FABP6: variants seen among roughly 807,000 people sequenced by gnomAD.
The protein encoded by FABP6 is fatty acid binding protein 6, also known as gastrotropin.
In FABP6, 13 loss-of-function variants were observed where a neutral mutation model predicts 14.9. That is an observed-to-expected ratio of 0.87 (90% CI 0.57 to 1.39). The LOEUF (loss-of-function observed/expected upper bound fraction) is 1.39. Among genes scored for constraint, FABP6 ranks in the 40% most tolerant of loss-of-function variants. The pLI is 0.00. For missense variants in FABP6, 161 were observed against 167.2 expected, an observed-to-expected ratio of 0.96 and a Z score of 0.20; for synonymous variants, 75 against 63.6, an observed-to-expected ratio of 1.18 and a Z score of -0.85.
At chr5:160,224,054 G>A (rs1401363810) in intron 3 of FABP6, among the ~76,000 whole-genome samples, 2 of 151,930 alleles carry the variant, frequency 1.3e-5, no homozygotes, top group African/African-American at 4.8e-5. Flanking sequence ...GGCTAACACG[G>A]TGAAACCCTG....
At chr5:160,232,731 TACCAAAAATACAAAAATTA>T (rs1376435858) in intron 2 of FABP6, among the ~76,000 whole-genome samples, 1 of 151,748 alleles carries the variant, frequency 6.6e-6, no homozygotes, top group African/African-American at 2.4e-5. Context: ...ACCCCATCTC[TACCAAAAATACAAAAATTA>T]GCTGGACATA....
At chr5:160,189,245 T>C (rs1001457746) in intron 1 of FABP6, among the ~76,000 whole-genome samples, 2 of 152,152 alleles carry the variant, frequency 1.3e-5, no homozygotes, top group African/African-American at 4.8e-5. Context: ...TACTTATTAT[T>C]TATTTTTTTT....
chr5:160,191,618 A>AT (rs980008036), intron 1 of FABP6, among the ~76,000 whole-genome samples: 1 of 151,918 alleles, frequency 6.6e-6, no homozygotes, highest in Non-Finnish European at 1.5e-5. Flanking sequence ...TATTAAAAAA[A>AT]TTTTTTTAAT....
At chr5:160,223,435 T>C (rs56043327) in intron 3 of FABP6, among the ~76,000 whole-genome samples, 84,166 of 141,366 alleles carry the variant, frequency 0.6, 25,323 homozygotes, top group Non-Finnish European at 0.62. Flanking sequence ...ACTTCTTCCT[T>C]TTTTTTTGAC....
chr5:160,223,919 G>C (rs1025898691), intron 3 of FABP6, among the ~76,000 whole-genome samples: 2 of 124,008 alleles, frequency 1.6e-5, no homozygotes, highest in Non-Finnish European at 3.2e-5. Flanking sequence ...AGGCAACAAA[G>C]TGAGATCCCA....
chr5:160,194,217 C>A (rs1759463962), intron 1 of FABP6, among the ~76,000 whole-genome samples: 1 of 152,262 alleles, frequency 6.6e-6, no homozygotes, highest in South Asian at 2.1e-4. Context: ...CCCACGCCCA[C>A]CGGCAACTCC....
intron 2 of FABP6, among the ~76,000 whole-genome samples, chr5:160,200,351 C>T (rs1304808783): frequency 1.3e-5 from 2 of 152,068 alleles, no homozygotes; most frequent in African/African-American, 2.4e-5. Flanking sequence ...TTCTTTCTGC[C>T]GTTGTGGGCA....
intron 1 of FABP6, among the ~76,000 whole-genome samples, chr5:160,189,509 T>G (rs532321232): frequency 6.6e-6 from 1 of 152,258 alleles, no homozygotes; most frequent in South Asian, 2.1e-4. Context: ...TCCCAAAGTG[T>G]TGGAATTACA....
At position 160,194,163 on chromosome 5, in the gene FABP6, G is replaced by T. The variant is rs946370289; in HGVS notation, c.-58-4886G>T. Among the ~76,000 whole-genome samples, 3 of 152,212 alleles carry T rather than the reference G, an allele frequency of 2.0e-5. 1 individual carries two copies. The South Asian group carries it at 6.2e-4, about 31-fold the overall frequency. On this transcript the variant is annotated intron_variant, in intron 1 of 6. Coordinates refer to the FABP6 transcript ENST00000393980. ...GGTGCTAAGTCCCTCATTGCCCGGG[G>T]CCAGCAGGGCCGGCCGGCTGCTCCC...
At chr5:160,211,588 TAA>T (rs916716720) in intron 2 of FABP6, among the ~76,000 whole-genome samples, 1 of 152,194 alleles carries the variant, frequency 6.6e-6, no homozygotes, top group Non-Finnish European at 1.5e-5. Flanking sequence ...TGCAGTACTA[TAA>T]GGATGAAGGA....
chr5:160,228,122 T>G (rs1384472147), upstream of FABP6, among the ~76,000 whole-genome samples: 1 of 152,088 alleles, frequency 6.6e-6, no homozygotes, highest in Non-Finnish European at 1.5e-5. Context: ...CCGGGTGTGG[T>G]GGCTCACGTC....
upstream of FABP6, chr5:160,228,380 A>G (rs1760296870): frequency 2.2e-6 from 1 of 454,456 alleles, no homozygotes; most frequent in Non-Finnish European, 4.4e-6. Context: ...AACAAGAGTG[A>G]AACTCCATCT....
intron 3 of FABP6, among the ~76,000 whole-genome samples, chr5:160,235,453 C>T (rs1285177611): frequency 2.0e-5 from 3 of 152,166 alleles, no homozygotes; most frequent in African/African-American, 7.2e-5. Flanking sequence ...ATTGGCAGGT[C>T]CCACACACAC....
chr5:160,194,330 T>G lies in FABP6; in HGVS notation c.-58-4719T>G, dbSNP rs548739203. ...AAGCTGAGGGAGTGGGCTCCAGCCT[T>G]GGCCAGCCCAGAAAGGGACTCCCAC... On this transcript the variant is annotated intron_variant, in intron 1 of 6. Transcript: ENST00000393980. Among the ~76,000 whole-genome samples the G allele has an allele frequency of 2.2e-4, 34 of 152,278 alleles. 1 individual carries two copies. In the South Asian group the frequency reaches 6.4e-3, roughly 29 times the overall value.
chr5:160,201,532 G>A (rs1236583130), intron 2 of FABP6, among the ~76,000 whole-genome samples: 4 of 152,110 alleles, frequency 2.6e-5, no homozygotes, highest in Non-Finnish European at 4.4e-5. Flanking sequence ...TAATTTAAAC[G>A]TTTTTTAAAT....
intron 2 of FABP6, among the ~76,000 whole-genome samples, chr5:160,209,592 A>G (rs1040019771): frequency 6.6e-6 from 1 of 152,188 alleles, no homozygotes; most frequent in African/African-American, 2.4e-5. Flanking sequence ...GATGCTCTGT[A>G]CCGTCTTGGT....
At chr5:160,230,097 GGT>G (rs1392317091) in intron 1 of FABP6, among the ~76,000 whole-genome samples, 1 of 150,956 alleles carries the variant, frequency 6.6e-6, no homozygotes, top group African/African-American at 2.4e-5. Flanking sequence ...TGGCCAGGCT[GGT>G]CTTGAACTCC....
chr5:160,207,499 T>A (rs1156246590), intron 2 of FABP6, among the ~76,000 whole-genome samples: 1 of 152,220 alleles, frequency 6.6e-6, no homozygotes, highest in Non-Finnish European at 1.5e-5. Flanking sequence ...GCTAAATTAG[T>A]TTGTATTTAT....
At chr5:160,236,057 C>T (rs1580926678) in intron 3 of FABP6, among the ~76,000 whole-genome samples, 1 of 146,106 alleles carries the variant, frequency 6.8e-6, no homozygotes, top group Non-Finnish European at 1.5e-5. Context: ...GCTCTGTTGT[C>T]CAGGCTGGAG....
Sources: allele counts gnomAD v4.1 joint callset (sites outside exome capture counted in the v4.1 genomes callset), GRCh38; gene constraint gnomAD v4.1.1; transcripts MANE v1.5; gene names NCBI Gene and HGNC (gene_info 2026-07-23, HGNC 2026-07-21).